MYT1L: variants seen among roughly 807,000 people sequenced by gnomAD.
MYT1L encodes the protein myelin transcription factor 1 like, also known as myelin transcription factor 1-like protein.
Under a neutral mutation model 126.7 loss-of-function variants are expected in MYT1L, and 12 were observed. That is an observed-to-expected ratio of 0.09 (90% confidence interval 0.06 to 0.15). The LOEUF (loss-of-function observed/expected upper bound fraction) is 0.15. Among genes scored for constraint, MYT1L ranks in the 10% least tolerant of loss-of-function variants. The probability of loss-of-function intolerance (pLI) is 1.00; values close to 1 mark genes in which losing one functional copy is unlikely to be tolerated. For missense variants in MYT1L, 979 were observed against 1,585.2 expected (o/e 0.62, Z 6.49); for synonymous variants, 541 against 604.2 (o/e 0.90, Z 1.53).
chr2:1,861,164 G>A (rs1022921434), intron 18 of MYT1L, among the ~76,000 whole-genome samples: 2 of 152,202 alleles, frequency 1.3e-5, no homozygotes, highest in Non-Finnish European at 2.9e-5. Flanking sequence ...ACTCCTGTGT[G>A]TGCCTGGAGG....
chr2:2,139,186 C>T (rs952823872), intron 3 of MYT1L, among the ~76,000 whole-genome samples: 2 of 152,056 alleles, frequency 1.3e-5, no homozygotes, highest in African/African-American at 2.4e-5. Context: ...TCCTCCCATA[C>T]ACGTCCCCTG....
chr2:1,833,563 C>T (rs537509964), intron 21 of MYT1L, among the ~76,000 whole-genome samples: 2 of 152,324 alleles, frequency 1.3e-5, no homozygotes, highest in South Asian at 4.1e-4. Flanking sequence ...CTCCATGTGC[C>T]TCCAGTTCTC....
intron 5 of MYT1L, among the ~76,000 whole-genome samples, chr2:1,987,363 T>C (rs138980962): frequency 1.3e-5 from 2 of 149,936 alleles, no homozygotes; most frequent in African/African-American, 2.5e-5. Flanking sequence ...TGGAAAAATA[T>C]GATGATCTGA....
intron 4 of MYT1L, among the ~76,000 whole-genome samples, chr2:2,007,044 G>GATAT (rs113385392): frequency 4.0e-4 from 59 of 146,898 alleles, no homozygotes; most frequent in East Asian, 3.8e-3. Context: ...TTTCATTGAA[G>GATAT]ATATATATAT....
intron 2 of MYT1L, among the ~76,000 whole-genome samples, chr2:2,263,517 A>G (rs2149297600): frequency 6.6e-6 from 1 of 152,294 alleles, no homozygotes; most frequent in South Asian, 2.1e-4. Flanking sequence ...GCACACAGAT[A>G]CCAAGCAAGA....
At chr2:1,857,394 GT>G (rs1446941311) in intron 18 of MYT1L, among the ~76,000 whole-genome samples, 7 of 152,150 alleles carry the variant, frequency 4.6e-5, no homozygotes, top group African/African-American at 1.7e-4. Context: ...ATCTAATTGA[GT>G]CATTCCTCAA....
chr2:1,866,832 A>G lies in MYT1L; in HGVS notation c.2712-15129T>C, dbSNP rs111206467. The stretch of plus-strand genomic sequence containing the variant: ...AGGGGGGAGAGAGAGAGGGAGGGGG[A>G]GAGAGAGAGGCCGTCAGAGAGGGAG... On this transcript the variant is annotated intron_variant, in intron 18 of 24. Transcript: ENST00000647738. Among the ~76,000 whole-genome samples, 432 of 68,718 alleles carry G rather than the reference A, an allele frequency of 6.3e-3. 9 individuals are homozygous for G. The highest frequency in any genetic ancestry group is 0.024 in the African/African-American group (402 of 16,570). The allele number at this position is 68,718 out of a possible 152,430, so 45.1% of individuals were successfully genotyped here. A position where few individuals can be genotyped will look rare whatever the true frequency, so the allele number is the denominator to read the frequency against.
chr2:2,275,111 T>C (rs1259476892), intron 2 of MYT1L, among the ~76,000 whole-genome samples: 1 of 152,034 alleles, frequency 6.6e-6, no homozygotes, highest in Non-Finnish European at 1.5e-5. Context: ...TGGTTGGATG[T>C]CACCTTGGGC....
chr2:2,298,004 A>G (rs1228389529), intron 1 of MYT1L, among the ~76,000 whole-genome samples: 1 of 152,186 alleles, frequency 6.6e-6, no homozygotes, highest in East Asian at 1.9e-4. Flanking sequence ...TAATTCTAGA[A>G]GGAAACTAGG....
chr2:2,306,309 T>G (rs752127173), intron 1 of MYT1L, among the ~76,000 whole-genome samples: 1 of 152,194 alleles, frequency 6.6e-6, no homozygotes, highest in Non-Finnish European at 1.5e-5. Context: ...AAGAGGCAGA[T>G]GCACAACTAT....
chr2:2,255,702 G>C (rs1284543520), intron 2 of MYT1L, among the ~76,000 whole-genome samples: 2 of 152,134 alleles, frequency 1.3e-5, no homozygotes, highest in African/African-American at 4.8e-5. Flanking sequence ...GTGGATGCCT[G>C]CAGTGACAGG....
chr2:1,856,184 T>C (rs1038624578), intron 18 of MYT1L, among the ~76,000 whole-genome samples: 1 of 152,222 alleles, frequency 6.6e-6, no homozygotes, highest in African/African-American at 2.4e-5. Context: ...CAAGAGCCCT[T>C]GTCAGGTAGA....
intron 1 of MYT1L, among the ~76,000 whole-genome samples, chr2:2,285,698 T>C (rs904491447): frequency 2.6e-5 from 4 of 152,176 alleles, no homozygotes; most frequent in Non-Finnish European, 5.9e-5. Context: ...GCAGCACACA[T>C]GTCAACTGCT....
At chr2:2,326,980 C>T (rs554321464) in intron 1 of MYT1L, 1 of 152,096 alleles carries the variant, frequency 6.6e-6, no homozygotes, top group Admixed American at 6.5e-5. Flanking sequence ...AGAGAAGAGA[C>T]AAGACACAAA....
intron 1 of MYT1L, among the ~76,000 whole-genome samples, chr2:2,291,008 C>A (rs2095591347): frequency 6.6e-6 from 1 of 151,864 alleles, no homozygotes; most frequent in Non-Finnish European, 1.5e-5. Context: ...GCCCACTCAC[C>A]TTCTAGGGCC....
chr2:1,834,174 G>C lies in MYT1L; in HGVS notation c.3080+4975C>G, dbSNP rs377064717. Reference sequence around the variant, plus strand: ...GTTCTTGCTGCTGCTTCTAACCGCTGCTTTGTTTGCGCAGTGGGTGGGATG... The same window carrying C: ...GTTCTTGCTGCTGCTTCTAACCGCTCCTTTGTTTGCGCAGTGGGTGGGATG... On this transcript the variant is annotated intron_variant, in intron 21 of 24. Transcript: ENST00000647738. Among the ~76,000 whole-genome samples the C allele has an allele frequency of 1.8e-4, 28 of 152,362 alleles. No homozygotes were observed. In the East Asian group the frequency reaches 3.7e-3, roughly 20 times the overall value.
At chr2:2,286,894 C>A (rs1469727154) in intron 1 of MYT1L, among the ~76,000 whole-genome samples, 1 of 152,158 alleles carries the variant, frequency 6.6e-6, no homozygotes. Flanking sequence ...AGTGTCAAAG[C>A]GATGTCACTA....
At chr2:2,016,620 T>C (rs183264468) in intron 4 of MYT1L, among the ~76,000 whole-genome samples, 93 of 152,298 alleles carry the variant, frequency 6.1e-4, no homozygotes, top group Non-Finnish European at 9.6e-4. Context: ...CTGTGGGAAC[T>C]GGGGAAACAT....
chr2:2,295,633 GAC>G (rs371533606), intron 1 of MYT1L, among the ~76,000 whole-genome samples: 10 of 19,010 alleles, frequency 5.3e-4, no homozygotes, highest in South Asian at 1.8e-3. Context: ...GAGACAGACA[GAC>G]AGAGAGAGAG....
Sources: gnomAD v4.1 joint callset for allele counts (sites outside exome capture counted in the v4.1 genomes callset) on GRCh38, gnomAD v4.1.1 for gene constraint, MANE v1.5 for transcripts, NCBI Gene and HGNC (gene_info 2026-07-23, HGNC 2026-07-21) for gene names.